The following SUMO2 variants were observed in gnomAD, a reference collection of about 807,000 sequenced individuals.
SUMO2 encodes small ubiquitin like modifier 2.
In SUMO2, 1 loss-of-function variant was observed where a neutral mutation model predicts 16.0. The ratio of observed to expected loss-of-function variants is 0.06; its 90% CI spans 0.02 to 0.30. The LOEUF (loss-of-function observed/expected upper bound fraction) is 0.30, where lower values mean the gene tolerates loss of function less well. Ranked by LOEUF, SUMO2 falls within the 10% of genes least tolerant of loss-of-function variation. The pLI, the probability that SUMO2 is intolerant of heterozygous loss-of-function variation, is 1.00. For synonymous variants in SUMO2, 36 were observed against 40.6 expected (o/e 0.89, Z 0.43); for missense variants, 16 against 117.5 (o/e 0.14, Z 3.99).
intron 3 of SUMO2, 150 bp downstream of exon 3, chr17:75,174,602 T>C (rs2074767439): frequency 5.2e-6 from 3 of 575,476 alleles, no homozygotes; most frequent in South Asian, 5.8e-5. Context: ...CCTATTCCTA[T>C]TTTCCTTTCT....
Position 75,174,758 on chromosome 17 carries a change from A to G in SUMO2, c.219T>C (p.Pro73=), listed in dbSNP as rs2074768763. ...DGQPINETDT[P]AQLEMEDEDT... is the part of the protein sequence containing the mutation. Reference sequence around the variant, plus strand: ...TTAGGAGAGATTTTTTTACCTGTGCAGGTGTGTCTGTTTCATTGATTGGTT... The same window carrying G: ...TTAGGAGAGATTTTTTTACCTGTGCGGGTGTGTCTGTTTCATTGATTGGTT... The change falls in exon 3 of 4, where the codon CCT becomes CCC. Residue 73 remains proline, a synonymous_variant. Transcript: ENST00000420826. 6.2e-7 allele frequency: 1 copy of G among 1,613,674 alleles called. No individual in the cohort carries two copies. Among genetic ancestry groups the G allele is most frequent in the Admixed American group, 1.7e-5 (1 of 59,918 alleles).
rs985728060 is a variant in SUMO2 at position 75,167,302 on chromosome 17, T to A, written c.*1037A>T. ...GGAAAACTCCGTCTCAAAAAAAAAATCCTTGAATAAGGAACGAAAACTTTA... is the reference window on the plus strand; with the variant it reads ...GGAAAACTCCGTCTCAAAAAAAAAAACCTTGAATAAGGAACGAAAACTTTA... On this transcript the variant is annotated 3_prime_UTR_variant, in exon 4 of 4. Transcript: ENST00000420826. 1 of 151,654 alleles carries A rather than the reference T, an allele frequency of 6.6e-6. No individual in the cohort carries two copies. The highest frequency in any genetic ancestry group is 2.4e-5 in the African/African-American group (1 of 41,284). 9.4% of individuals were successfully genotyped at this position (151,654 alleles called of 1,614,324 possible).
At chr17:75,171,683 T>A (rs2074739888) in intron 3 of SUMO2, among the ~76,000 whole-genome samples, 1 of 152,138 alleles carries the variant, frequency 6.6e-6, no homozygotes, top group African/African-American at 2.4e-5. Context: ...CTGAAGATTT[T>A]AAAATGCCTC....
At chr17:75,174,655 G>C in intron 3 of SUMO2, 97 bp downstream of exon 3, 1 of 1,147,788 alleles carries the variant, frequency 8.7e-7, no homozygotes, top group Non-Finnish European at 1.3e-6. Context: ...AACTCTACAA[G>C]AACTTATACT....
chr17:75,169,736 C>G (rs1017851746), intron 3 of SUMO2, among the ~76,000 whole-genome samples: 1 of 151,392 alleles, frequency 6.6e-6, no homozygotes, highest in South Asian at 2.1e-4. Flanking sequence ...GTAATCCCAG[C>G]TATTCGGGAG....
intron 2 of SUMO2, among the ~76,000 whole-genome samples, chr17:75,180,703 T>C (rs2145227046): frequency 6.6e-6 from 1 of 151,952 alleles, no homozygotes; most frequent in South Asian, 2.1e-4. Flanking sequence ...AGAATGAAAC[T>C]CCATCTCAAA....
chr17:75,166,184 A>G lies in SUMO2; in HGVS notation c.*2155T>C, dbSNP rs1401774629. The G allele has an allele frequency of 6.6e-6, 1 of 152,068 alleles. No homozygotes were observed. Among genetic ancestry groups the G allele is most frequent in the Non-Finnish European group, 1.5e-5 (1 of 68,032 alleles). The allele number at this position is 152,068 out of a possible 1,614,324, so 9.4% of individuals were successfully genotyped here. A position where few individuals can be genotyped will look rare whatever the true frequency, so the allele number is the denominator to read the frequency against. On this transcript the variant is annotated 3_prime_UTR_variant, in exon 4 of 4. Coordinates refer to ENST00000420826, the MANE Select transcript of SUMO2 (RefSeq NM_006937.4). ...AGACCCCACCTCTAATTTAAAAATAATAAAAATTTGGCCGGGCACAGTGGC... is the reference window on the plus strand; with the variant it reads ...AGACCCCACCTCTAATTTAAAAATAGTAAAAATTTGGCCGGGCACAGTGGC...
At chr17:75,182,528 G>C (rs1166334012) in intron 1 of SUMO2, 8 of 256,180 alleles carry the variant, frequency 3.1e-5, no homozygotes, top group Admixed American at 5.5e-5. Context: ...ATCCCCGTTC[G>C]GGGCTGGTGG....
intron 1 of SUMO2, chr17:75,182,553 G>A (rs2074837698): frequency 3.6e-6 from 1 of 281,132 alleles, no homozygotes; most frequent in Non-Finnish European, 6.6e-6. Context: ...GCGGGCGTCC[G>A]CTTTCTGCCC....
chr17:75,181,568 T>TA (rs1354659729), intron 1 of SUMO2, among the ~76,000 whole-genome samples: 1 of 152,176 alleles, frequency 6.6e-6, no homozygotes, highest in Non-Finnish European at 1.5e-5. Context: ...CTAAGCACTT[T>TA]AAGTACAACT....
At chr17:75,170,593 A>C (rs2074729438) in intron 3 of SUMO2, among the ~76,000 whole-genome samples, 1 of 151,462 alleles carries the variant, frequency 6.6e-6, no homozygotes, top group South Asian at 2.1e-4. Context: ...AAAACAAAAA[A>C]CACCAAAACA....
At chr17:75,168,984 C>T (rs2145214966) in intron 3 of SUMO2, among the ~76,000 whole-genome samples, 1 of 151,004 alleles carries the variant, frequency 6.6e-6, no homozygotes, top group South Asian at 2.1e-4. Context: ...CTACTGGAGG[C>T]CAACATTGGA....
intron 1 of SUMO2, chr17:75,182,260 CCCAGGA>C (rs1392504065): frequency 6.6e-6 from 1 of 152,380 alleles, no homozygotes; most frequent in African/African-American, 2.4e-5. Context: ...TACCCCCAGG[CCCAGGA>C]CGGCGGCCCG....
intron 2 of SUMO2, among the ~76,000 whole-genome samples, chr17:75,175,042 C>T (rs903900979): frequency 9.2e-5 from 14 of 151,992 alleles, no homozygotes; most frequent in African/African-American, 4.8e-5. Flanking sequence ...AGTGCAGTGG[C>T]GTGATCTCAG....
chr17:75,180,622 G>A (rs2074821995), intron 2 of SUMO2, among the ~76,000 whole-genome samples: 1 of 151,826 alleles, frequency 6.6e-6, no homozygotes, highest in Non-Finnish European at 1.5e-5. Context: ...GGAGACTGAG[G>A]CAGGAAAATC....
intron 3 of SUMO2, among the ~76,000 whole-genome samples, chr17:75,171,428 C>T (rs1182044041): frequency 2.0e-5 from 3 of 151,740 alleles, no homozygotes; most frequent in Non-Finnish European, 2.9e-5. Context: ...GCAGGAGAAT[C>T]GCTTGAACCC....
At position 75,166,527 on chromosome 17, in the gene SUMO2, G is replaced by A. The variant is rs968635001; in HGVS notation, c.*1812C>T. The A allele has an allele frequency of 3.3e-5, 5 of 152,148 alleles. No individual in the cohort carries two copies. Among genetic ancestry groups the A allele is most frequent in the South Asian group, 2.1e-4 (1 of 4,820 alleles). The allele number at this position is 152,148 out of a possible 1,614,324, so 9.4% of individuals were successfully genotyped here. A position where few individuals can be genotyped will look rare whatever the true frequency, so the allele number is the denominator to read the frequency against. On this transcript the variant is annotated 3_prime_UTR_variant, in exon 4 of 4. Transcript: ENST00000420826. ...AAAGGGGCTGGGCATAGTGGCTCAC[G>A]CCTGTAAACCCAGCACATTGGGAGG... is the stretch of plus-strand genomic sequence containing the variant.
rs544001336 is a variant in SUMO2, at chr17:75,182,885, T to G, written c.-51A>C. ...GCCGCTTCACAAAAGAGGTACCAGG[T>G]CCGCACCAAACGAGCACACAAGCAG... On this transcript the variant is annotated 5_prime_UTR_variant, in exon 1 of 4. Coordinates refer to ENST00000420826, the MANE Select transcript of SUMO2 (RefSeq NM_006937.4). The G allele has an allele frequency of 1.5e-4, 195 of 1,338,032 alleles. No individual in the cohort carries two copies. In the African/African-American group the frequency reaches 2.8e-3, roughly 19 times the overall value. The allele number at this position is 1,338,032 out of a possible 1,614,324, so 82.9% of individuals were successfully genotyped here. A position where few individuals can be genotyped will look rare whatever the true frequency, so the allele number is the denominator to read the frequency against.
Position 75,165,977 on chromosome 17 carries a change from G to C in SUMO2, c.*2362C>G, listed in dbSNP as rs537421862. The C allele has an allele frequency of 6.6e-6, 1 of 152,232 alleles. No homozygotes were observed. The highest frequency in any genetic ancestry group is 2.4e-5 in the African/African-American group (1 of 41,456). The allele number at this position is 152,232 out of a possible 1,614,324, so 9.4% of individuals were successfully genotyped here. ...GGAGGTGGAGCTTGCCGTGAGCCAA[G>C]ATTGCGCCACTGCACTCCAGCCTGG... On this transcript the variant is annotated 3_prime_UTR_variant, in exon 4 of 4. Coordinates refer to ENST00000420826, the MANE Select transcript of SUMO2 (RefSeq NM_006937.4).
Sources: allele counts gnomAD v4.1 joint callset (sites outside exome capture counted in the v4.1 genomes callset), GRCh38; gene constraint gnomAD v4.1.1; transcripts MANE v1.5; gene names NCBI Gene and HGNC (gene_info 2026-07-23, HGNC 2026-07-21).